IST1: variants seen among roughly 807,000 people sequenced by gnomAD.
IST1 encodes IST1 homolog.
In IST1, 23 loss-of-function variants were observed where a neutral mutation model predicts 37.0. The observed-to-expected ratio is 0.62, with a 90% CI of 0.45 to 0.88. The LOEUF (loss-of-function observed/expected upper bound fraction) is 0.88. Ranked by LOEUF, IST1 falls within the 40% of genes least tolerant of loss-of-function variation. The pLI is 0.00. For missense variants in IST1, 488 were observed against 445.4 expected (o/e 1.10, Z -0.86); for synonymous variants, 180 against 161.7 (o/e 1.11, Z -0.86).
At chr16:71,909,691 C>T (rs9652627) in intron 1 of IST1, among the ~76,000 whole-genome samples, 11,381 of 152,214 alleles carry the variant, frequency 0.075, 1,377 homozygotes, top group African/African-American at 0.26. Flanking sequence ...ATAATCTTAT[C>T]TTTGTTAACA....
chr16:71,905,128 C>T (rs1278056156), intron 1 of IST1, among the ~76,000 whole-genome samples: 2 of 150,658 alleles, frequency 1.3e-5, no homozygotes, highest in Non-Finnish European at 3.0e-5. Context: ...CTCTGCCTCC[C>T]GTGTTCAAGC....
chr16:71,900,676 T>C (rs2037088808), intron 1 of IST1, among the ~76,000 whole-genome samples: 2 of 152,216 alleles, frequency 1.3e-5, no homozygotes, highest in Admixed American at 1.3e-4. Context: ...TAAGTATATA[T>C]GTATATAAAC....
At chr16:71,903,761 A>C (rs1273277822) in intron 1 of IST1, 3 of 152,256 alleles carry the variant, frequency 2.0e-5, no homozygotes, top group African/African-American at 7.2e-5. Context: ...TGAATGTTCT[A>C]GTACACTGCT....
chr16:71,923,470 G>T, intron 8 of IST1, 90 bp downstream of exon 8: 1 of 775,740 alleles, frequency 1.3e-6, no homozygotes, highest in South Asian at 1.6e-5. Context: ...GCAGAGTTTT[G>T]ATCAACTCCT....
rs1454511754 is a variant in IST1 at position 71,930,030 on chromosome 16, A to C, written c.*2217A>C. ...TTTCCCAGTGATATAACAGCATGCT[A>C]GTTTATCTTTTAGTTACCTACCTTA... On this transcript the variant is annotated 3_prime_UTR_variant, in exon 10 of 10. Transcript: ENST00000378799. 1.5e-5 allele frequency: 23 copies of C among 1,542,180 alleles called. No individual in the cohort carries two copies. Among genetic ancestry groups the C allele is most frequent in the Non-Finnish European group, 1.8e-5 (21 of 1,143,366 alleles).
At chr16:71,899,623 C>T (rs1001425955) in intron 1 of IST1, among the ~76,000 whole-genome samples, 1 of 152,188 alleles carries the variant, frequency 6.6e-6, no homozygotes, top group African/African-American at 2.4e-5. Context: ...TACCTGTAAT[C>T]CCAGCACTCT....
In IST1 at chr16:71,922,539, A is replaced by G. The variant is rs770900511; in HGVS notation, c.618A>G (p.Lys206=). 1.2e-6 allele frequency: 2 copies of G among 1,614,220 alleles called. No homozygotes were observed. Among genetic ancestry groups the G allele is most frequent in the Admixed American group, 3.3e-5 (2 of 60,030 alleles). The change falls in exon 7 of 10, where the codon AAA becomes AAG. Residue 206 remains lysine (K), a synonymous_variant. Transcript: ENST00000378799. ...IDVGFTDDVK[K]GGPGRGGSGG... ...TTGGATTCACAGATGATGTGAAGAAAGGAGGCCCTGGAAGAGGAGGGAGTG... is the reference window on the plus strand; with the variant it reads ...TTGGATTCACAGATGATGTGAAGAAGGGAGGCCCTGGAAGAGGAGGGAGTG...
intron 1 of IST1, among the ~76,000 whole-genome samples, chr16:71,905,474 G>A (rs2037203481): frequency 6.6e-6 from 1 of 151,930 alleles, no homozygotes; most frequent in African/African-American, 2.4e-5. Flanking sequence ...CGTCTGCTGG[G>A]TTCAAGTGAT....
chr16:71,915,455 GT>G lies in IST1; in HGVS notation c.-15-163del, dbSNP rs1414286542. ...TTCCAGTATTATCCTTCCCCAATCA[GT>G]TTTTTTTACAACAGCCAAAACAATC... On this transcript the variant is annotated intron_variant, in intron 1 of 9. Coordinates refer to ENST00000378799, the MANE Select transcript of IST1 (RefSeq NM_001270975.2). 5.8e-5 allele frequency: 31 copies of G among 531,442 alleles called. 1 individual carries two copies. The highest frequency in any genetic ancestry group is 3.5e-4 in the South Asian group (15 of 42,732). 32.9% of individuals were successfully genotyped at this position (531,442 alleles called of 1,614,324 possible). A position where few individuals can be genotyped will look rare whatever the true frequency, so the allele number is the denominator to read the frequency against.
Position 71,930,130 on chromosome 16 carries a change from G to A in IST1, c.*2317G>A. 6.4e-7 allele frequency: 1 copy of A among 1,551,682 alleles called. No homozygotes were observed. The highest frequency in any genetic ancestry group is 1.2e-5 in the South Asian group (1 of 84,060). On this transcript the variant is annotated 3_prime_UTR_variant, in exon 10 of 10. Transcript: ENST00000378799. ...GATTAATTACCACAAGTACCATCAA[G>A]ATGACACTGGTGAGGATCAGAAAGG...
chr16:71,917,731 T>A (rs563856156), intron 4 of IST1, among the ~76,000 whole-genome samples: 30 of 152,226 alleles, frequency 2.0e-4, no homozygotes, highest in Non-Finnish European at 4.1e-4. Context: ...CATTCTTATC[T>A]CTCAACCCAT....
upstream of IST1, chr16:71,895,490 C>T (rs951996113): frequency 5.1e-6 from 5 of 985,352 alleles, no homozygotes; most frequent in East Asian, 3.4e-4. Flanking sequence ...CCCGTGGATC[C>T]CTCCGCCCGC....
At chr16:71,921,282 G>A in intron 5 of IST1, 61 bp from the exon 6 acceptor site, 1 of 959,054 alleles carries the variant, frequency 1.0e-6, no homozygotes, top group Non-Finnish European at 1.7e-6. Flanking sequence ...TTCGCATAGT[G>A]AGGTGAGGAT....
chr16:71,929,711 A>G lies in IST1; in HGVS notation c.*1898A>G. On this transcript the variant is annotated 3_prime_UTR_variant, in exon 10 of 10. Transcript: ENST00000378799. ...TTGAAGACAAAAAGAGAAAAGTGAG[A>G]AAATTGAAATTACTGCTAATAGTGG... 1.3e-6 allele frequency: 2 copies of G among 1,500,812 alleles called. No individual in the cohort carries two copies. Among genetic ancestry groups the G allele is most frequent in the Non-Finnish European group, 8.9e-7 (1 of 1,120,464 alleles). 93.0% of individuals were successfully genotyped at this position (1,500,812 alleles called of 1,614,324 possible).
Position 71,921,666 on chromosome 16 carries a change from TAC to T in IST1, c.552+215_552+216del, listed in dbSNP as rs1486262961. 1.4e-5 allele frequency: 7 copies of T among 487,878 alleles called. No homozygotes were observed. The East Asian group carries it at 2.4e-4, about 17-fold the overall frequency. 30.2% of individuals were successfully genotyped at this position (487,878 alleles called of 1,614,324 possible). The stretch of plus-strand genomic sequence containing the variant: ...CACTTTGAGAAGGTCAAAACCTTGA[TAC>T]AAATGTAAAATGGCACTATTATTGC... On this transcript the variant is annotated intron_variant, in intron 6 of 9. Transcript: ENST00000378799.
Position 71,920,897 on chromosome 16 carries a change from G to T in IST1, c.441+75G>T, listed in dbSNP as rs764980563. Reference sequence around the variant, plus strand: ...TTGTACTGCTTGTGGCAATTCTAGTGGGTACCACTGTATTGCTCAGTATGG... The same window carrying T: ...TTGTACTGCTTGTGGCAATTCTAGTTGGTACCACTGTATTGCTCAGTATGG... On this transcript the variant is annotated intron_variant, in intron 5 of 9. Coordinates refer to ENST00000378799, the MANE Select transcript of IST1 (RefSeq NM_001270975.2). 4.9e-6 allele frequency: 5 copies of T among 1,014,836 alleles called. No homozygotes were observed. The East Asian group carries it at 1.2e-4, about 24-fold the overall frequency. The allele number at this position is 1,014,836 out of a possible 1,614,324, so 62.9% of individuals were successfully genotyped here.
intron 1 of IST1, among the ~76,000 whole-genome samples, chr16:71,910,599 C>G (rs1371444091): frequency 1.4e-5 from 2 of 140,720 alleles, no homozygotes; most frequent in African/African-American, 5.2e-5. Flanking sequence ...GAGCAAGACT[C>G]TGTCTCAAAA....
chr16:71,922,858 G>C, intron 7 of IST1, 178 bp downstream of exon 7: 1 of 621,432 alleles, frequency 1.6e-6, no homozygotes, highest in Non-Finnish European at 2.8e-6. Context: ...AGGTCTTCTA[G>C]TTCAGCTGTA....
chr16:71,915,671 T>C lies in IST1; in HGVS notation c.31T>C (p.Leu11=), dbSNP rs2037464428. Residue 11 remains leucine, a synonymous_variant, in exon 2 of 10, where the codon TTA becomes CTA. Coordinates refer to ENST00000378799, the MANE Select transcript of IST1 (RefSeq NM_001270975.2). MLGSGFKAER[L]RVNLRLVINR... is the part of the protein sequence containing the mutation. ...GGGCTCTGGATTTAAAGCTGAGCGC[T>C]TAAGAGTGAATTTGAGATTAGTCAT... The C allele has an allele frequency of 1.2e-6, 2 of 1,613,372 alleles. No homozygotes were observed.
Sources: gnomAD v4.1 joint callset for allele counts (sites outside exome capture counted in the v4.1 genomes callset) on GRCh38, gnomAD v4.1.1 for gene constraint, MANE v1.5 for transcripts, NCBI Gene and HGNC (gene_info 2026-07-23, HGNC 2026-07-21) for gene names.